Variants in TNRC6A observed in about 807,000 individuals in gnomAD.
The protein encoded by TNRC6A is trinucleotide repeat containing adaptor 6A.
TNRC6A carries 44 observed loss-of-function variants against 221.2 expected under a neutral mutation model. That is an observed-to-expected ratio of 0.20 (90% CI 0.16 to 0.26). The LOEUF (loss-of-function observed/expected upper bound fraction) is 0.26, where lower values mean the gene tolerates loss of function less well. TNRC6A is among the 10% of genes least tolerant of loss of function. TNRC6A has a pLI of 1.00. For missense variants in TNRC6A, 2,199 were observed against 2,404.4 expected (o/e 0.91, Z 1.79); for synonymous variants, 847 against 838.5 (o/e 1.01, Z -0.18).
intron 2 of TNRC6A, among the ~76,000 whole-genome samples, chr16:24,749,231 T>C (rs2057081509): frequency 6.6e-6 from 1 of 152,188 alleles, no homozygotes; most frequent in Non-Finnish European, 1.5e-5. Flanking sequence ...GCAAAGGTTT[T>C]TTTTGCCCAG....
rs370139774 is a variant in TNRC6A at position 24,806,485 on chromosome 16, A to C, written c.4330-89A>C. 4.6e-6 allele frequency: 7 copies of C among 1,517,920 alleles called. No individual in the cohort carries two copies. The East Asian group carries it at 1.6e-4, about 34-fold the overall frequency. 94.0% of individuals were successfully genotyped at this position (1,517,920 alleles called of 1,614,324 possible). ...ATTATTCACCTTTCTGCTGAGACGA[A>C]AGTGAATTCAAAAATGGAGAGGAAT... On this transcript the variant is annotated intron_variant, in intron 16 of 24. Coordinates refer to ENST00000395799, the MANE Select transcript of TNRC6A (RefSeq NM_014494.4).
At chr16:24,712,833 A>G (rs1026097864) in intron 2 of TNRC6A, among the ~76,000 whole-genome samples, 2 of 152,026 alleles carry the variant, frequency 1.3e-5, no homozygotes, top group Non-Finnish European at 2.9e-5. Flanking sequence ...GGCTAACTGC[A>G]GCCTCAATCT....
intron 3 of TNRC6A, among the ~76,000 whole-genome samples, chr16:24,753,016 C>T (rs1255423162): frequency 6.6e-6 from 1 of 152,198 alleles, no homozygotes; most frequent in African/African-American, 2.4e-5. Flanking sequence ...AAAGTTGTAA[C>T]ATATACAGCA....
chr16:24,731,949 T>G (rs1257796897), intron 2 of TNRC6A, among the ~76,000 whole-genome samples: 1 of 152,322 alleles, frequency 6.6e-6, no homozygotes, highest in East Asian at 1.9e-4. Context: ...AGGAGTAAAG[T>G]GCTGTCCGTG....
chr16:24,799,579 A>G (rs1383475765), intron 11 of TNRC6A, among the ~76,000 whole-genome samples: 1 of 152,254 alleles, frequency 6.6e-6, no homozygotes, highest in East Asian at 1.9e-4. Context: ...CTAACATGTA[A>G]TAACTTGTGA....
chr16:24,710,397 C>T (rs945050183), intron 2 of TNRC6A, among the ~76,000 whole-genome samples: 1 of 151,758 alleles, frequency 6.6e-6, no homozygotes, highest in Non-Finnish European at 1.5e-5. Flanking sequence ...CACTGGAGCC[C>T]AGGAGTTCAA....
intron 2 of TNRC6A, among the ~76,000 whole-genome samples, chr16:24,664,309 G>A (rs1050605328): frequency 6.7e-6 from 1 of 150,182 alleles, no homozygotes; most frequent in Non-Finnish European, 1.5e-5. Context: ...CCAGTGTGGG[G>A]GACAGAGTGT....
At chr16:24,757,901 C>T (rs1189644871) in intron 3 of TNRC6A, among the ~76,000 whole-genome samples, 2 of 152,180 alleles carry the variant, frequency 1.3e-5, no homozygotes, top group African/African-American at 4.8e-5. Flanking sequence ...ATATGTACAG[C>T]TTTTCTTACA....
At chr16:24,689,535 T>C (rs1020734717) in intron 2 of TNRC6A, among the ~76,000 whole-genome samples, 1 of 152,224 alleles carries the variant, frequency 6.6e-6, no homozygotes, top group Non-Finnish European at 1.5e-5. Context: ...GGAATATTCA[T>C]TCATTTGCTC....
chr16:24,799,605 G>GA (rs925018773), intron 11 of TNRC6A, among the ~76,000 whole-genome samples: 4 of 151,708 alleles, frequency 2.6e-5, no homozygotes, highest in Admixed American at 1.3e-4. Context: ...GTAAAAACAG[G>GA]AAAAAAAATG....
At chr16:24,691,099 C>T (rs546216187) in intron 2 of TNRC6A, among the ~76,000 whole-genome samples, 2 of 152,016 alleles carry the variant, frequency 1.3e-5, no homozygotes, top group Non-Finnish European at 2.9e-5. Flanking sequence ...CCTGAGCCAC[C>T]GCACCTGGCC....
At chr16:24,821,453 TGGA>T (rs370416810) in intron 22 of TNRC6A, among the ~76,000 whole-genome samples, 4 of 151,492 alleles carry the variant, frequency 2.6e-5, no homozygotes, top group African/African-American at 9.7e-5. Flanking sequence ...TTGCAGGGAG[TGGA>T]GGAGGATTCC....
At position 24,823,827 on chromosome 16, in the gene TNRC6A, C is replaced by A; in HGVS notation, c.*20C>A. The A allele has an allele frequency of 7.3e-7, 1 of 1,371,544 alleles. No individual in the cohort carries two copies. Among genetic ancestry groups the A allele is most frequent in the Middle Eastern group, 1.9e-4 (1 of 5,158 alleles). 85.0% of individuals were successfully genotyped at this position (1,371,544 alleles called of 1,614,324 possible). ...ATGTAACAGTGTAGATGCAGACTCA[C>A]CGACCGGGACCTCAGACGCGAGGGA... On this transcript the variant is annotated 3_prime_UTR_variant, in exon 25 of 25. Transcript: ENST00000395799. This position sits in a 1 kb window ranked among gnomAD's most constrained non-coding sequence, Gnocchi z 4.3.
chr16:24,794,195 A>T (rs1030780799), intron 7 of TNRC6A, among the ~76,000 whole-genome samples: 7 of 152,210 alleles, frequency 4.6e-5, no homozygotes, highest in African/African-American at 1.7e-4. Flanking sequence ...AATATATATA[A>T]AAATTAATTC....
At chr16:24,634,911 A>G (rs1171689070) in intron 1 of TNRC6A, among the ~76,000 whole-genome samples, 1 of 152,186 alleles carries the variant, frequency 6.6e-6, no homozygotes, top group Non-Finnish European at 1.5e-5. Context: ...TTTCACATTT[A>G]GCAAGTTGGA....
At chr16:24,755,945 A>T (rs1034918042) in intron 3 of TNRC6A, among the ~76,000 whole-genome samples, 2 of 152,188 alleles carry the variant, frequency 1.3e-5, no homozygotes, top group Non-Finnish European at 2.9e-5. Context: ...AAAATCTTTC[A>T]CATTTTATTA....
chr16:24,660,453 T>C (rs560556969), intron 2 of TNRC6A, among the ~76,000 whole-genome samples: 1 of 152,200 alleles, frequency 6.6e-6, no homozygotes, highest in East Asian at 1.9e-4. Context: ...TTCATATATA[T>C]ATATATCAGA....
At chr16:24,624,175 G>T (rs72768603) in intron 1 of TNRC6A, among the ~76,000 whole-genome samples, 3 of 151,876 alleles carry the variant, frequency 2.0e-5, no homozygotes, top group Non-Finnish European at 1.5e-5. Context: ...CAGCAGGCTC[G>T]CCCACACGTT....
At position 24,789,784 on chromosome 16, in the gene TNRC6A, A is replaced by T; in HGVS notation, c.1142A>T (p.Lys381Ile). ...TTAGAGAACAATGGACTTGCCCTAA[A>T]AGGGCCTGTAGGGAGTGGTAGTTCT... The part of the protein sequence containing the change: ...PVLENNGLAL[K>I]GPVGSGSSGI... The change falls in exon 6 of 25, where the codon AAA becomes ATA. Residue 381 changes from lysine (K) to isoleucine (I), a missense_variant. Around this residue, in one of 8 missense-constraint regions of TNRC6A, gnomAD observed 1,405 missense variants for 1,400.2 expected, o/e 1.00. Coordinates refer to ENST00000395799, the MANE Select transcript of TNRC6A (RefSeq NM_014494.4). 1 of 1,614,164 alleles carries T rather than the reference A, an allele frequency of 6.2e-7. No individual in the cohort carries two copies. Among genetic ancestry groups the T allele is most frequent in the South Asian group, 1.1e-5 (1 of 91,076 alleles).
Sources: allele counts gnomAD v4.1 joint callset (sites outside exome capture counted in the v4.1 genomes callset), GRCh38; gene constraint gnomAD v4.1.1; regional missense constraint gnomAD v4.1.1; non-coding constraint Gnocchi (gnomAD v3.1); transcripts MANE v1.5; gene names NCBI Gene and HGNC (gene_info 2026-07-23, HGNC 2026-07-21).